The following FLT1 variants were observed in gnomAD, a reference collection of about 807,000 sequenced individuals.
FLT1 encodes the protein vascular endothelial growth factor receptor 1.
Under a neutral mutation model 156.3 loss-of-function variants are expected in FLT1, and 49 were observed. The observed-to-expected ratio is 0.31, with a 90% CI of 0.25 to 0.40. The LOEUF is 0.40. Ranked by LOEUF, FLT1 falls within the 10% of genes least tolerant of loss-of-function variation. FLT1 has a pLI of 1.00. For synonymous variants in FLT1, 594 were observed against 583.8 expected, an observed-to-expected ratio of 1.02 and a Z score of -0.25; for missense variants, 1,322 against 1,637.2, an observed-to-expected ratio of 0.81 and a Z score of 3.32.
intron 3 of FLT1, among the ~76,000 whole-genome samples, chr13:28,448,829 A>C (rs534193700): frequency 6.6e-6 from 1 of 152,298 alleles, no homozygotes; most frequent in African/African-American, 2.4e-5. Flanking sequence ...CTGTTTCCTG[A>C]GCTGGCTGAG....
At chr13:28,388,956 C>T in intron 13 of FLT1, 1 of 1,064,828 alleles carries the variant, frequency 9.4e-7, no homozygotes, top group Non-Finnish European at 1.1e-6. Flanking sequence ...AAACCCTTTG[C>T]TAGGCTAGTC....
At chr13:28,450,997 G>A (rs1390769521) in intron 3 of FLT1, among the ~76,000 whole-genome samples, 1 of 152,164 alleles carries the variant, frequency 6.6e-6, no homozygotes, top group Non-Finnish European at 1.5e-5. Context: ...CCTTCTGACG[G>A]GGACTAGAAA....
At chr13:28,454,953 A>G (rs887498222) in intron 3 of FLT1, among the ~76,000 whole-genome samples, 9 of 152,224 alleles carry the variant, frequency 5.9e-5, no homozygotes, top group African/African-American at 2.2e-4. Flanking sequence ...AATATATATA[A>G]GAATCTATAT....
chr13:28,384,770 G>A (rs763015141), intron 14 of FLT1, 115 bp downstream of exon 14: 13 of 998,582 alleles, frequency 1.3e-5, no homozygotes, highest in African/African-American at 9.7e-5. Context: ...CAGTGTTTGG[G>A]GCTCTATCAG....
In FLT1 at chr13:28,433,875, T is replaced by C; in HGVS notation, c.757A>G (p.Thr253Ala). ...LRGHTLVLNC[T>A]ATTPLNTRVQ... is the part of the protein sequence containing the mutation. ...CTCGTGTTCAAGGGAGTGGTAGCAGTACAATTGAGGACAAGAGTATGGCCT... is the reference window on the plus strand; with the variant it reads ...CTCGTGTTCAAGGGAGTGGTAGCAGCACAATTGAGGACAAGAGTATGGCCT... The change falls in exon 6 of 30, where the codon ACT (threonine) becomes GCT (alanine). Residue 253 changes from threonine to alanine, a missense_variant. Coordinates refer to ENST00000282397, the MANE Select transcript of FLT1 (RefSeq NM_002019.4). 1 of 1,613,884 alleles carries C rather than the reference T, an allele frequency of 6.2e-7. No homozygotes were observed. The highest frequency in any genetic ancestry group is 8.5e-7 in the Non-Finnish European group (1 of 1,179,732).
At chr13:28,409,520 A>G (rs1876016169) in intron 10 of FLT1, among the ~76,000 whole-genome samples, 1 of 151,960 alleles carries the variant, frequency 6.6e-6, no homozygotes. Context: ...TTTTTAGTGG[A>G]GATGGGGTTT....
Position 28,423,564 on chromosome 13 carries a change from G to T in FLT1, c.1436+3595C>A, listed in dbSNP as rs556274886. Among the ~76,000 whole-genome samples the T allele has an allele frequency of 2.6e-5, 4 of 152,278 alleles. 1 individual carries two copies. In the East Asian group the frequency reaches 7.7e-4, roughly 29 times the overall value. On this transcript the variant is annotated intron_variant, in intron 10 of 29. Coordinates refer to ENST00000282397, the MANE Select transcript of FLT1 (RefSeq NM_002019.4). Reference sequence around the variant, plus strand: ...CCTTTAAGTTCATTAAAGGTTCTCAGGTCTTATTTAAAGAAATGTACCCCA... The same window carrying T: ...CCTTTAAGTTCATTAAAGGTTCTCATGTCTTATTTAAAGAAATGTACCCCA...
chr13:28,392,145 G>A (rs1222969389), intron 12 of FLT1, among the ~76,000 whole-genome samples: 4 of 152,182 alleles, frequency 2.6e-5, no homozygotes, highest in Non-Finnish European at 4.4e-5. Context: ...TTATTATAAA[G>A]TGTCACGTCT....
At position 28,447,354 on chromosome 13, in the gene FLT1, TA is replaced by T. The variant is rs1159206769; in HGVS notation, c.389-9010del. Among the ~76,000 whole-genome samples the T allele has an allele frequency of 3.7e-3, 560 of 151,032 alleles. 2 individuals carry two copies. Among genetic ancestry groups the T allele is most frequent in the African/African-American group, 0.013 (535 of 41,080 alleles). The stretch of plus-strand genomic sequence containing the variant: ...CCACCACACCCAGCTAATTTTTTTT[TA>T]AAAATTTTTTTGTAGAGATAAGGGT... On this transcript the variant is annotated intron_variant, in intron 3 of 29. Transcript: ENST00000282397.
intron 11 of FLT1, among the ~76,000 whole-genome samples, chr13:28,397,948 G>A (rs980415799): frequency 1.3e-5 from 2 of 152,026 alleles, no homozygotes; most frequent in East Asian, 3.9e-4. Flanking sequence ...AGTCAAAATT[G>A]CATGAACTTG....
intron 1 of FLT1, among the ~76,000 whole-genome samples, chr13:28,492,713 G>A (rs559316058): frequency 5.9e-5 from 9 of 152,276 alleles, no homozygotes; most frequent in East Asian, 1.9e-4. Flanking sequence ...ATTGCTTCCC[G>A]GATATGCAGC....
chr13:28,408,018 A>T (rs916772204), intron 10 of FLT1, among the ~76,000 whole-genome samples: 6 of 152,334 alleles, frequency 3.9e-5, no homozygotes, highest in East Asian at 1.9e-4. Flanking sequence ...ACACATGTGT[A>T]TACCTAGATT....
At chr13:28,368,484 A>C (rs981282646) in intron 14 of FLT1, 4 of 1,516,980 alleles carry the variant, frequency 2.6e-6, no homozygotes, top group Non-Finnish European at 3.5e-6. Flanking sequence ...TTGGCTCTCC[A>C]ACTAAAGGAT....
chr13:28,457,615 G>A (rs1021243732), intron 3 of FLT1, among the ~76,000 whole-genome samples: 3 of 152,098 alleles, frequency 2.0e-5, no homozygotes, highest in Admixed American at 6.6e-5. Flanking sequence ...AGAACTGGAA[G>A]GACCATAAAG....
intron 1 of FLT1, among the ~76,000 whole-genome samples, chr13:28,489,641 C>A (rs769643490): frequency 2.0e-5 from 3 of 152,050 alleles, no homozygotes; most frequent in African/African-American, 7.2e-5. Context: ...TGCAGGCAGA[C>A]GAGCAGCATG....
At chr13:28,330,678 A>G (rs1215004371) in intron 18 of FLT1, among the ~76,000 whole-genome samples, 2 of 149,874 alleles carry the variant, frequency 1.3e-5, no homozygotes, top group African/African-American at 2.4e-5. Flanking sequence ...TTAATAAATC[A>G]GAGACTTTTT....
intron 11 of FLT1, chr13:28,399,222 G>A: frequency 1.5e-6 from 1 of 649,994 alleles, no homozygotes; most frequent in Non-Finnish European, 2.5e-6. Flanking sequence ...GAAACAAGGA[G>A]CTCAGATGAA....
At chr13:28,364,693 C>T (rs1474662053) in intron 14 of FLT1, among the ~76,000 whole-genome samples, 1 of 152,164 alleles carries the variant, frequency 6.6e-6, no homozygotes, top group East Asian at 1.9e-4. Context: ...TCTTTTACCA[C>T]TAAGTCGTTG....
intron 3 of FLT1, among the ~76,000 whole-genome samples, chr13:28,440,328 A>C (rs1878265757): frequency 6.6e-6 from 1 of 152,208 alleles, no homozygotes; most frequent in Non-Finnish European, 1.5e-5. Flanking sequence ...AGAGGCACAA[A>C]CAGGTGAAAT....
Sources: allele counts gnomAD v4.1 joint callset (sites outside exome capture counted in the v4.1 genomes callset), GRCh38; gene constraint gnomAD v4.1.1; transcripts MANE v1.5; gene names NCBI Gene and HGNC (gene_info 2026-07-23, HGNC 2026-07-21).